Variants in DIDO1 observed in about 807,000 individuals in gnomAD.
DIDO1 encodes the protein death-inducer obliterator 1.
A neutral mutation model predicts 99.4 loss-of-function variants in DIDO1; 16 were observed. That is an observed-to-expected ratio of 0.16 (90% CI 0.11 to 0.24). The LOEUF (loss-of-function observed/expected upper bound fraction) is 0.24, where lower values mean the gene tolerates loss of function less well. Ranked by LOEUF, DIDO1 falls within the 10% of genes least tolerant of loss-of-function variation. DIDO1 has a pLI of 1.00. For missense variants in DIDO1, 2,996 were observed against 3,014.0 expected (o/e 0.99, Z 0.14); for synonymous variants, 1,366 against 1,239.1 (o/e 1.10, Z -2.15).
In DIDO1 at chr20:62,880,654, C is replaced by T; in HGVS notation, c.5302G>A (p.Gly1768Ser). ...PHALGMSGLH[G>S]PNFPGPRGPA... ...CCCCTTGGTCCCGGGAAATTGGGGC[C>T]GTGAAGCCCTGACATCCCCAAAGCA... The change falls in exon 16 of 16, where the codon GGC becomes AGC. Residue 1768 changes from glycine (G) to serine (S), a missense_variant. Around this residue, in one of 5 missense-constraint regions of DIDO1, gnomAD observed 1,562 missense variants for 1,412.6 expected, o/e 1.11. Coordinates refer to ENST00000395343, the MANE Select transcript of DIDO1 (RefSeq NM_001193369.2). 7 of 1,612,842 alleles carry T rather than the reference C, an allele frequency of 4.3e-6. No homozygotes were observed. In the South Asian group the frequency reaches 5.5e-5, roughly 13 times the overall value.
At chr20:62,927,366 G>A (rs2065274138), upstream of DIDO1, among the ~76,000 whole-genome samples, 1 of 152,246 alleles carries the variant, frequency 6.6e-6, no homozygotes, top group Non-Finnish European at 1.5e-5. Flanking sequence ...AACCTTCCAT[G>A]TGGATTTTCT....
chr20:62,900,022 G>C (rs892278916), intron 6 of DIDO1, among the ~76,000 whole-genome samples: 2 of 152,202 alleles, frequency 1.3e-5, no homozygotes, highest in Middle Eastern at 3.2e-3. Flanking sequence ...TTCAGAGAAG[G>C]GCAAGCAGCA....
chr20:62,911,436 C>T lies in DIDO1; in HGVS notation c.177G>A (p.Leu59=). The change falls in exon 3 of 16, where the codon CTG becomes CTA. Residue 59 remains leucine, a synonymous_variant. Transcript: ENST00000395343. This position sits in a 1 kb window ranked among gnomAD's most constrained non-coding sequence, Gnocchi z 7.0. ...GCTGCCTCCCACTGCGCCGCAGGGA[C>T]AGGCCCAGCTGCTGCTGTGGGGGTG... ...EPPPPQQQLG[L]SLRRSGRQPK... The T allele has an allele frequency of 6.2e-7, 1 of 1,611,912 alleles. No homozygotes were observed. The highest frequency in any genetic ancestry group is 8.5e-7 in the Non-Finnish European group (1 of 1,178,954).
intron 13 of DIDO1, among the ~76,000 whole-genome samples, chr20:62,892,306 G>A (rs965483793): frequency 6.6e-6 from 1 of 152,176 alleles, no homozygotes; most frequent in Non-Finnish European, 1.5e-5. Flanking sequence ...AGAAATGACT[G>A]CCCAACACTT....
At chr20:62,891,884 T>G (rs1462716062) in intron 14 of DIDO1, 103 bp downstream of exon 14, 1 of 939,590 alleles carries the variant, frequency 1.1e-6, no homozygotes, top group African/African-American at 1.7e-5. Context: ...AGCTACAGGC[T>G]AACATTTTAA....
intron 15 of DIDO1, among the ~76,000 whole-genome samples, chr20:62,887,033 G>A (rs1351577941): frequency 2.0e-5 from 3 of 152,234 alleles, no homozygotes; most frequent in African/African-American, 7.2e-5. Context: ...GGGTGCCGGG[G>A]TGCCGAGAAG....
upstream of DIDO1, among the ~76,000 whole-genome samples, chr20:62,927,563 T>C (rs987674738): frequency 1.3e-5 from 2 of 152,230 alleles, no homozygotes; most frequent in Admixed American, 1.3e-4. Context: ...TTTCTGCTTC[T>C]GTGAACAGTG....
intron 12 of DIDO1, 85 bp from the exon 13 acceptor site, chr20:62,893,047 G>C: frequency 1.5e-6 from 2 of 1,358,958 alleles, no homozygotes; most frequent in Non-Finnish European, 2.0e-6. Context: ...TTTTTTTTGA[G>C]ACAGGATCTC....
rs1227822437 is a variant in DIDO1 at position 62,881,476 on chromosome 20, C to G, written c.4480G>C (p.Glu1494Gln). ...KQIEEQKRQL[E>Q]EQEEALRQQR... ...TGCCTGAGAGCTTCTTCTTGCTCCTCCAGCTGTCTCTTCTGCTCCTCGATC... is the reference window on the plus strand; with the variant it reads ...TGCCTGAGAGCTTCTTCTTGCTCCTGCAGCTGTCTCTTCTGCTCCTCGATC... Residue 1494 changes from glutamate to glutamine, a missense_variant, in exon 16 of 16, where the codon GAG becomes CAG. Physicochemically the swap from Glu to Gln is conservative, Grantham distance 29. Around this residue, in one of 5 missense-constraint regions of DIDO1, gnomAD observed 1,562 missense variants for 1,412.6 expected, o/e 1.11. Transcript: ENST00000395343. The surrounding 1 kb of genome is among the most constrained non-coding windows in gnomAD (Gnocchi z 8.3). 1 of 1,610,322 alleles carries G rather than the reference C, an allele frequency of 6.2e-7. No individual in the cohort carries two copies. Among genetic ancestry groups the G allele is most frequent in the East Asian group, 2.2e-5 (1 of 44,880 alleles).
intron 15 of DIDO1, among the ~76,000 whole-genome samples, chr20:62,883,819 CTG>C (rs2064251803): frequency 9.9e-6 from 1 of 101,438 alleles, no homozygotes; most frequent in Non-Finnish European, 2.5e-5. Context: ...GAGTGAGACT[CTG>C]TCTCAAAAAA....
At position 62,898,696 on chromosome 20, in the gene DIDO1, C is replaced by T. The variant is rs1260106282; in HGVS notation, c.1589-1700G>A. Among the ~76,000 whole-genome samples, 3 of 152,354 alleles carry T rather than the reference C, an allele frequency of 2.0e-5. No individual in the cohort carries two copies. In the East Asian group the frequency reaches 5.8e-4, roughly 29 times the overall value. On this transcript the variant is annotated intron_variant, in intron 6 of 15. Transcript: ENST00000395343. ...CACTGCCAAGCCCTGTCTCCTCACC[C>T]ACAACCGCACCCCAAAACACTCATT...
At position 62,896,079 on chromosome 20, in the gene DIDO1, GCAA is replaced by G. The variant is rs1429411722; in HGVS notation, c.2214+151_2214+153del. ...GGTTTCCAGGACGCTCAACGCCAGT[GCAA>G]CAATACGTGGGCGGCAGAAGGATCA... On this transcript the variant is annotated intron_variant, in intron 8 of 15. Transcript: ENST00000395343. This position sits in a 1 kb window ranked among gnomAD's most constrained non-coding sequence, Gnocchi z 4.4. Among the ~76,000 whole-genome samples, 5 of 152,332 alleles carry G rather than the reference GCAA, an allele frequency of 3.3e-5. No homozygotes were observed. In the East Asian group the frequency reaches 9.6e-4, roughly 29 times the overall value.
At chr20:62,907,446 T>C in intron 4 of DIDO1, 87 bp from the exon 5 acceptor site, 2 of 1,255,586 alleles carry the variant, frequency 1.6e-6, no homozygotes, top group Non-Finnish European at 1.1e-6. Flanking sequence ...CCATTTATAG[T>C]ACCAAGGCCA....
chr20:62,931,418 G>A (rs1005326982), upstream of DIDO1, among the ~76,000 whole-genome samples: 1 of 152,032 alleles, frequency 6.6e-6, no homozygotes, highest in Admixed American at 6.6e-5. Flanking sequence ...TAAGTATAGG[G>A]CAAAAAACTA....
intron 6 of DIDO1, among the ~76,000 whole-genome samples, chr20:62,900,517 C>A (rs1247765154): frequency 6.6e-6 from 1 of 152,226 alleles, no homozygotes; most frequent in Non-Finnish European, 1.5e-5. Context: ...TCTGCAGAAC[C>A]CATCCAATTG....
intron 14 of DIDO1, 55 bp from the exon 15 acceptor site, chr20:62,891,210 C>T (rs928256911): frequency 2.0e-5 from 32 of 1,607,420 alleles, no homozygotes; most frequent in African/African-American, 6.7e-5. Context: ...AAGCATCACA[C>T]GCCCAATTCA....
In DIDO1 at chr20:62,911,281, G is replaced by C; in HGVS notation, c.332C>G (p.Ser111Cys). The C allele has an allele frequency of 6.2e-7, 1 of 1,612,458 alleles. No individual in the cohort carries two copies. Among genetic ancestry groups the C allele is most frequent in the South Asian group, 1.1e-5 (1 of 91,076 alleles). ...SCPATDAETASEGSVESASET... is the reference protein window; with the variant it reads ...SCPATDAETACEGSVESASET... Reference sequence around the variant, plus strand: ...AGAAGCGCTTTCCACGCTGCCCTCGGAGGCTGTCTCGGCGTCTGTGGCGGG... The same window carrying C: ...AGAAGCGCTTTCCACGCTGCCCTCGCAGGCTGTCTCGGCGTCTGTGGCGGG... The change falls in exon 3 of 16, where the codon TCC becomes TGC. Residue 111 changes from serine to cysteine, a missense_variant. Coordinates refer to ENST00000395343, the MANE Select transcript of DIDO1 (RefSeq NM_001193369.2). This position sits in a 1 kb window ranked among gnomAD's most constrained non-coding sequence, Gnocchi z 7.0.
At chr20:62,931,661 G>A (rs1036999831) in intron 1 of DIDO1, among the ~76,000 whole-genome samples, 1 of 152,216 alleles carries the variant, frequency 6.6e-6, no homozygotes, top group Non-Finnish European at 1.5e-5. Flanking sequence ...GGAAGGTGCA[G>A]GGATGTCCAT....
At chr20:62,921,175 C>T (rs1007063601) in intron 1 of DIDO1, among the ~76,000 whole-genome samples, 1 of 152,228 alleles carries the variant, frequency 6.6e-6, no homozygotes, top group African/African-American at 2.4e-5. Flanking sequence ...GGATTACAGG[C>T]ATGAGCCACC....
Sources: allele counts gnomAD v4.1 joint callset (sites outside exome capture counted in the v4.1 genomes callset), GRCh38; gene constraint gnomAD v4.1.1; regional missense constraint gnomAD v4.1.1; non-coding constraint Gnocchi (gnomAD v3.1); transcripts MANE v1.5; gene names NCBI Gene and HGNC (gene_info 2026-07-23, HGNC 2026-07-21).